The following ZMIZ1 variants were observed in gnomAD, a reference collection of about 807,000 sequenced individuals.
ZMIZ1 encodes the protein zinc finger MIZ-type containing 1.
A neutral mutation model predicts 113.9 loss-of-function variants in ZMIZ1; 17 were observed. The ratio of observed to expected loss-of-function variants is 0.15; its 90% CI spans 0.10 to 0.22. ZMIZ1 has a LOEUF of 0.22. ZMIZ1 is among the 10% of genes least tolerant of loss of function. The pLI, the probability that ZMIZ1 is intolerant of heterozygous loss-of-function variation, is 1.00. For synonymous variants in ZMIZ1, 607 were observed against 603.1 expected (o/e 1.01, Z -0.09); for missense variants, 1,059 against 1,477.8 (o/e 0.72, Z 4.65).
At chr10:79,198,707 G>T (rs1389257090) in intron 4 of ZMIZ1, among the ~76,000 whole-genome samples, 1 of 152,194 alleles carries the variant, frequency 6.6e-6, no homozygotes, top group Admixed American at 6.5e-5. Context: ...GTGATGTGCC[G>T]ATGTGAACGG....
intron 4 of ZMIZ1, among the ~76,000 whole-genome samples, chr10:79,185,214 A>C (rs1344941168): frequency 6.6e-6 from 1 of 152,126 alleles, no homozygotes; most frequent in Non-Finnish European, 1.5e-5. Flanking sequence ...AAAGGAAACC[A>C]CAGCACTTTA....
chr10:79,309,389 G>A (rs938792736), intron 23 of ZMIZ1, among the ~76,000 whole-genome samples: 4 of 152,228 alleles, frequency 2.6e-5, no homozygotes, highest in Non-Finnish European at 4.4e-5. Flanking sequence ...TCCCAGGGTG[G>A]GCACTGAGGG....
Position 79,314,775 on chromosome 10 carries a change from C to T in ZMIZ1, c.*2026C>T, listed in dbSNP as rs780869226. On this transcript the variant is annotated 3_prime_UTR_variant, in exon 25 of 25. Coordinates refer to ENST00000334512, the MANE Select transcript of ZMIZ1 (RefSeq NM_020338.4). ...GCGGCTGTGCTGGGAGTTGGAAGACCGGGCAGCCCGCTATTTAGAGCCATC... is the reference window on the plus strand; with the variant it reads ...GCGGCTGTGCTGGGAGTTGGAAGACTGGGCAGCCCGCTATTTAGAGCCATC... The T allele has an allele frequency of 9.6e-5, 15 of 155,918 alleles. No homozygotes were observed. Among genetic ancestry groups the T allele is most frequent in the African/African-American group, 2.7e-4 (11 of 41,396 alleles). 9.7% of individuals were successfully genotyped at this position (155,918 alleles called of 1,614,324 possible).
intron 7 of ZMIZ1, among the ~76,000 whole-genome samples, chr10:79,238,864 G>T (rs1204584944): frequency 6.6e-6 from 1 of 152,170 alleles, no homozygotes; most frequent in Non-Finnish European, 1.5e-5. Flanking sequence ...CTGGAAGTGT[G>T]CCTGCCAACC....
At chr10:79,154,226 A>G (rs1845815157) in intron 3 of ZMIZ1, among the ~76,000 whole-genome samples, 1 of 150,866 alleles carries the variant, frequency 6.6e-6, no homozygotes, top group Admixed American at 6.6e-5. Context: ...TGGTCCACAA[A>G]CCCCCTTTGG....
At chr10:79,175,558 G>A (rs1277216496) in intron 4 of ZMIZ1, among the ~76,000 whole-genome samples, 1 of 149,746 alleles carries the variant, frequency 6.7e-6, no homozygotes, top group Non-Finnish European at 1.5e-5. Context: ...TTGCCTCTGA[G>A]GACTTCTCTA....
At chr10:79,093,149 C>T (rs1238023525) in intron 1 of ZMIZ1, among the ~76,000 whole-genome samples, 2 of 135,924 alleles carry the variant, frequency 1.5e-5, no homozygotes, top group African/African-American at 2.6e-5. Context: ...CACACACACA[C>T]ACACACACAC....
intron 7 of ZMIZ1, among the ~76,000 whole-genome samples, chr10:79,249,430 A>T (rs1375896612): frequency 6.6e-6 from 1 of 152,190 alleles, no homozygotes; most frequent in African/African-American, 2.4e-5. Context: ...GCATGAGGAC[A>T]TGGCGGCCCT....
At chr10:79,283,443 C>G (rs1432885301) in intron 8 of ZMIZ1, among the ~76,000 whole-genome samples, 1 of 152,172 alleles carries the variant, frequency 6.6e-6, no homozygotes, top group Non-Finnish European at 1.5e-5. Context: ...AGCCCATGGA[C>G]CAGTCATTAT....
chr10:79,293,698 T>C (rs1564591199), intron 12 of ZMIZ1, 45 bp downstream of exon 12: 3 of 1,612,778 alleles, frequency 1.9e-6, no homozygotes, highest in Non-Finnish European at 2.5e-6. Flanking sequence ...CTGGGACACC[T>C]GGGCTTGAAG....
At chr10:79,234,205 G>T (rs1395062559) in intron 7 of ZMIZ1, among the ~76,000 whole-genome samples, 41 of 152,200 alleles carry the variant, frequency 2.7e-4, no homozygotes, top group Admixed American at 2.7e-3. Context: ...TAGTTTGGAG[G>T]CTGGTGCAGT....
At position 79,147,061 on chromosome 10, in the gene ZMIZ1, G is replaced by A. The variant is rs182796147; in HGVS notation, c.-131+7284G>A. Reference sequence around the variant, plus strand: ...TCCAAGTAAGCAGTTCAGGCCAGCTGCAGCCAGGAGGCCGTGACACAGAGC... The same window carrying A: ...TCCAAGTAAGCAGTTCAGGCCAGCTACAGCCAGGAGGCCGTGACACAGAGC... On this transcript the variant is annotated intron_variant, in intron 3 of 24. Transcript: ENST00000334512. Among the ~76,000 whole-genome samples, 9 of 152,322 alleles carry A rather than the reference G, an allele frequency of 5.9e-5. 1 individual carries two copies. The East Asian group carries it at 9.7e-4, about 16-fold the overall frequency.
Position 79,216,212 on chromosome 10 carries a change from T to G in ZMIZ1, c.218T>G (p.Leu73Arg). Reference protein sequence around the residue: ...VAAQQGFDLDLGYRLLAVCAA... With the variant: ...VAAQQGFDLDRGYRLLAVCAA... ...GCCCAGCAAGGCTTTGACCTGGACC[T>G]CGGCTACAGACTGCTGGCTGTGTGT... The change falls in exon 7 of 25, where the codon CTC becomes CGC. Residue 73 changes from leucine to arginine, a missense_variant. Coordinates refer to ENST00000334512, the MANE Select transcript of ZMIZ1 (RefSeq NM_020338.4). 1.3e-6 allele frequency: 2 copies of G among 1,566,612 alleles called. No homozygotes were observed. The highest frequency in any genetic ancestry group is 1.7e-6 in the Non-Finnish European group (2 of 1,154,884).
chr10:79,291,288 T>C, intron 10 of ZMIZ1, 112 bp downstream of exon 10: 17 of 1,303,192 alleles, frequency 1.3e-5, no homozygotes, highest in Admixed American at 5.7e-5. Context: ...TGAGAAGTTA[T>C]CCTCTGTTGT....
intron 4 of ZMIZ1, among the ~76,000 whole-genome samples, chr10:79,200,080 G>A (rs1848006537): frequency 6.6e-6 from 1 of 152,218 alleles, no homozygotes; most frequent in African/African-American, 2.4e-5. Flanking sequence ...AAAAGGAAAG[G>A]AGAGAATGCA....
At chr10:79,211,463 G>T (rs1281261074) in intron 6 of ZMIZ1, among the ~76,000 whole-genome samples, 2 of 152,150 alleles carry the variant, frequency 1.3e-5, no homozygotes, top group Non-Finnish European at 2.9e-5. Context: ...CCCTATCCAG[G>T]TGTCAGCCTG....
intron 4 of ZMIZ1, among the ~76,000 whole-genome samples, chr10:79,176,383 G>C (rs1331930091): frequency 6.6e-6 from 1 of 152,050 alleles, no homozygotes; most frequent in Non-Finnish European, 1.5e-5. Context: ...GCGTCATGGA[G>C]CTGACAGTCT....
intron 7 of ZMIZ1, among the ~76,000 whole-genome samples, chr10:79,219,041 G>A (rs1848855606): frequency 6.6e-6 from 1 of 152,058 alleles, no homozygotes; most frequent in African/African-American, 2.4e-5. Context: ...TTGCACGGGG[G>A]GTGGGGGGAC....
At chr10:79,276,734 G>A (rs1205633451) in intron 7 of ZMIZ1, among the ~76,000 whole-genome samples, 2 of 152,124 alleles carry the variant, frequency 1.3e-5, no homozygotes, top group Non-Finnish European at 2.9e-5. Flanking sequence ...GAGAAGCCAC[G>A]CTTTGCCTCT....
Sources: allele counts gnomAD v4.1 joint callset (sites outside exome capture counted in the v4.1 genomes callset), GRCh38; gene constraint gnomAD v4.1.1; transcripts MANE v1.5; gene names NCBI Gene and HGNC (gene_info 2026-07-23, HGNC 2026-07-21).